RPS6KC1: variants seen among roughly 807,000 people sequenced by gnomAD.
The protein encoded by RPS6KC1 is ribosomal protein S6 kinase C1.
In RPS6KC1, 54 loss-of-function variants were observed where a neutral mutation model predicts 103.8. That is an observed-to-expected ratio of 0.52 (90% confidence interval 0.42 to 0.65). The LOEUF is 0.65. Among genes scored for constraint, RPS6KC1 ranks in the 30% least tolerant of loss-of-function variants. RPS6KC1 has a pLI of 0.00. For synonymous variants in RPS6KC1, 439 were observed against 438.7 expected (o/e 1.00, Z -0.01); for missense variants, 1,151 against 1,253.8 (o/e 0.92, Z 1.24).
intron 8 of RPS6KC1, among the ~76,000 whole-genome samples, chr1:213,215,452 C>T (rs2093634050): frequency 6.6e-6 from 1 of 152,232 alleles, no homozygotes; most frequent in African/African-American, 2.4e-5. Context: ...GGAAAACACT[C>T]TGCAGAATAT....
chr1:213,618,650 C>T, the RPS6KC1 span, among the ~76,000 whole-genome samples: 1 of 152,104 alleles, frequency 6.6e-6, no homozygotes, highest in South Asian at 2.1e-4. Flanking sequence ...AATGATATTT[C>T]ATTTGGGTTA....
chr1:213,082,974 C>G (rs2080042168), intron 3 of RPS6KC1, among the ~76,000 whole-genome samples: 1 of 152,188 alleles, frequency 6.6e-6, no homozygotes, highest in South Asian at 2.1e-4. Context: ...AAGTGTAAGC[C>G]TCTGCCAACT....
At chr1:213,499,757 G>C in the RPS6KC1 span, among the ~76,000 whole-genome samples, 1 of 152,036 alleles carries the variant, frequency 6.6e-6, no homozygotes, top group Non-Finnish European at 1.5e-5. Flanking sequence ...ATGTGCTATA[G>C]CCTATTGCTC....
chr1:213,622,074 G>A, the RPS6KC1 span, among the ~76,000 whole-genome samples: 1 of 151,970 alleles, frequency 6.6e-6, no homozygotes, highest in East Asian at 1.9e-4. Flanking sequence ...CAGAAAACCT[G>A]CCCACAGGAC....
the RPS6KC1 span, among the ~76,000 whole-genome samples, chr1:213,573,653 A>T: frequency 6.6e-6 from 1 of 152,230 alleles, no homozygotes; most frequent in Non-Finnish European, 1.5e-5. Flanking sequence ...TTCCTGGAAC[A>T]AAACCCAGTT....
At chr1:213,838,836 G>C in the RPS6KC1 span, among the ~76,000 whole-genome samples, 1 of 152,130 alleles carries the variant, frequency 6.6e-6, no homozygotes, top group Non-Finnish European at 1.5e-5. Flanking sequence ...TCCATGTAAG[G>C]ATTCACTAGA....
chr1:213,317,625 C>T, the RPS6KC1 span, among the ~76,000 whole-genome samples: 1 of 152,194 alleles, frequency 6.6e-6, no homozygotes, highest in Non-Finnish European at 1.5e-5. Context: ...CAAAAACATT[C>T]AGCCTATAGC....
At chr1:213,428,480 CCCTT>C in the RPS6KC1 span, among the ~76,000 whole-genome samples, 293 of 28,450 alleles carry the variant, frequency 0.01, 4 homozygotes, top group African/African-American at 0.014. Flanking sequence ...CTCCCTCCCT[CCCTT>C]CCTTCCTTCC....
chr1:213,820,906 G>A, the RPS6KC1 span: 8 of 152,064 alleles, frequency 5.3e-5, no homozygotes, highest in African/African-American at 1.9e-4. Flanking sequence ...TGAGAGACCT[G>A]GAAAGTCTCA....
the RPS6KC1 span, among the ~76,000 whole-genome samples, chr1:213,434,037 G>T: frequency 1.3e-5 from 2 of 148,242 alleles, no homozygotes; most frequent in South Asian, 2.1e-4. Context: ...ACATCACGAA[G>T]ATTTTTTCTT....
the RPS6KC1 span, among the ~76,000 whole-genome samples, chr1:213,370,015 C>T: frequency 1.3e-5 from 2 of 152,190 alleles, no homozygotes; most frequent in African/African-American, 4.8e-5. Context: ...TCTGCTCTCA[C>T]TCACTATGGT....
the RPS6KC1 span, among the ~76,000 whole-genome samples, chr1:213,529,784 C>T: frequency 3.9e-5 from 6 of 152,096 alleles, no homozygotes; most frequent in Non-Finnish European, 8.8e-5. Flanking sequence ...ACCATTGATC[C>T]CTGGCATGGG....
the RPS6KC1 span, among the ~76,000 whole-genome samples, chr1:213,339,174 G>GA: frequency 6.6e-6 from 1 of 152,178 alleles, no homozygotes; most frequent in Non-Finnish European, 1.5e-5. Context: ...TGAGAGGCAG[G>GA]ATAATCACTT....
the RPS6KC1 span, among the ~76,000 whole-genome samples, chr1:213,388,068 C>G: frequency 6.6e-6 from 1 of 152,258 alleles, no homozygotes; most frequent in African/African-American, 2.4e-5. Context: ...TGCTGGCCCT[C>G]CTGGGCCCCA....
intron 8 of RPS6KC1, among the ~76,000 whole-genome samples, chr1:213,178,125 G>T (rs1031519721): frequency 2.0e-5 from 3 of 151,532 alleles, no homozygotes; most frequent in African/African-American, 4.9e-5. Flanking sequence ...GTTTGAGGCT[G>T]CCGTGAGCCG....
At chr1:213,336,824 GTT>G in the RPS6KC1 span, among the ~76,000 whole-genome samples, 3 of 152,138 alleles carry the variant, frequency 2.0e-5, no homozygotes, top group Non-Finnish European at 4.4e-5. Flanking sequence ...AGCTCGTTGA[GTT>G]TTTCATACAC....
the RPS6KC1 span, among the ~76,000 whole-genome samples, chr1:213,401,715 C>T: frequency 6.6e-6 from 1 of 152,116 alleles, no homozygotes; most frequent in South Asian, 2.1e-4. Flanking sequence ...TGAGCTCTTA[C>T]CTTTGTATCA....
the RPS6KC1 span, among the ~76,000 whole-genome samples, chr1:213,696,087 T>A: frequency 6.6e-6 from 1 of 152,218 alleles, no homozygotes; most frequent in Admixed American, 6.5e-5. Context: ...CTGCCTTCAA[T>A]TTTTCTGCCA....
chr1:213,151,512 G>A (rs2088903360), intron 6 of RPS6KC1, among the ~76,000 whole-genome samples: 1 of 112,948 alleles, frequency 8.9e-6, no homozygotes, highest in East Asian at 2.8e-4. Context: ...GCGGCTGGAC[G>A]GGCAGAGGGG....
Sources: allele counts gnomAD v4.1 joint callset (sites outside exome capture counted in the v4.1 genomes callset), GRCh38; gene constraint gnomAD v4.1.1; transcripts MANE v1.5; gene names NCBI Gene and HGNC (gene_info 2026-07-23, HGNC 2026-07-21).